Variants in MYCBP2 observed in about 807,000 individuals in gnomAD.
MYCBP2 encodes E3 ubiquitin-protein ligase MYCBP2.
In MYCBP2, 120 loss-of-function variants were observed where a neutral mutation model predicts 525.3. The observed-to-expected ratio is 0.23, with a 90% CI of 0.20 to 0.27. The LOEUF (loss-of-function observed/expected upper bound fraction) is 0.27. MYCBP2 is among the 10% of genes least tolerant of loss of function. MYCBP2 has a pLI of 1.00. For synonymous variants in MYCBP2, 1,894 were observed against 1,955.8 expected (o/e 0.97, Z 0.83); for missense variants, 4,149 against 5,657.1 (o/e 0.73, Z 8.55).
In MYCBP2 at chr13:77,144,295, C is replaced by T. The variant is rs531489627; in HGVS notation, c.7303+150G>A. 3.4e-5 allele frequency: 21 copies of T among 618,026 alleles called. No homozygotes were observed. The East Asian group carries it at 5.7e-4, about 17-fold the overall frequency. 38.3% of individuals were successfully genotyped at this position (618,026 alleles called of 1,614,324 possible). A position where few individuals can be genotyped will look rare whatever the true frequency, so the allele number is the denominator to read the frequency against. Reference sequence around the variant, plus strand: ...AAAATGTTAATGCACTAATTAAATACTCATTATGAAAGAGAAAACAAGGCC... The same window carrying T: ...AAAATGTTAATGCACTAATTAAATATTCATTATGAAAGAGAAAACAAGGCC... On this transcript the variant is annotated intron_variant, in intron 49 of 82. Coordinates refer to ENST00000544440, the MANE Select transcript of MYCBP2 (RefSeq NM_015057.5).
chr13:77,227,354 A>C (rs1440956951), intron 18 of MYCBP2, among the ~76,000 whole-genome samples: 1 of 151,702 alleles, frequency 6.6e-6, no homozygotes, highest in East Asian at 1.9e-4. Context: ...AAAAAAAAAA[A>C]AAAAAAACCA....
At chr13:77,084,500 A>G (rs2043873375) in intron 62 of MYCBP2, among the ~76,000 whole-genome samples, 1 of 152,156 alleles carries the variant, frequency 6.6e-6, no homozygotes, top group African/African-American at 2.4e-5. Context: ...GGGAGATAGC[A>G]GGCCATCTAG....
intron 55 of MYCBP2, chr13:77,118,331 C>T: frequency 1.3e-6 from 1 of 752,598 alleles, no homozygotes; most frequent in Non-Finnish European, 2.4e-6. Flanking sequence ...GTAAGGCTGA[C>T]AGACTTACTC....
chr13:77,091,046 T>C (rs1368765251), intron 59 of MYCBP2, among the ~76,000 whole-genome samples: 1 of 152,156 alleles, frequency 6.6e-6, no homozygotes, highest in Non-Finnish European at 1.5e-5. Flanking sequence ...GAATTCAAAT[T>C]GGAATATTTT....
chr13:77,315,857 T>C (rs2080868901), intron 1 of MYCBP2, among the ~76,000 whole-genome samples: 1 of 140,598 alleles, frequency 7.1e-6, no homozygotes, highest in African/African-American at 2.7e-5. Flanking sequence ...ATTATGCCAC[T>C]GCACTCCAGC....
chr13:77,226,459 T>C (rs1425710802), intron 18 of MYCBP2, among the ~76,000 whole-genome samples: 2 of 152,304 alleles, frequency 1.3e-5, no homozygotes, highest in East Asian at 3.9e-4. Context: ...CTTTATATCA[T>C]CAAGATTCAA....
intron 1 of MYCBP2, among the ~76,000 whole-genome samples, chr13:77,306,642 C>G (rs2079458163): frequency 6.6e-6 from 1 of 152,182 alleles, no homozygotes; most frequent in Non-Finnish European, 1.5e-5. Context: ...TATTTGTACT[C>G]TTAAGTAAAC....
In MYCBP2 at chr13:77,211,163, T is replaced by A; in HGVS notation, c.3416+4A>T. 1 of 1,433,832 alleles carries A rather than the reference T, an allele frequency of 7.0e-7. No homozygotes were observed. The highest frequency in any genetic ancestry group is 1.8e-5 in the South Asian group (1 of 56,720). The allele number at this position is 1,433,832 out of a possible 1,614,324, so 88.8% of individuals were successfully genotyped here. On this transcript the variant is annotated splice_donor_region_variant and intron_variant, in intron 23 of 82. Coordinates refer to ENST00000544440, the MANE Select transcript of MYCBP2 (RefSeq NM_015057.5). ...TTGACTATTTTATAAACTGAGATGC[T>A]TACCTCCAAATTACATCATATACAG...
chr13:77,287,692 G>A (rs758452041), intron 3 of MYCBP2, among the ~76,000 whole-genome samples: 1 of 152,076 alleles, frequency 6.6e-6, no homozygotes, highest in East Asian at 1.9e-4. Flanking sequence ...ACACAGCTGA[G>A]AGGCTTTGTA....
Position 77,051,066 on chromosome 13 carries a change from T to G in MYCBP2, c.13852A>C (p.Asn4618His). Residue 4618 changes from asparagine to histidine, a missense_variant, in exon 82 of 83, where the codon AAT becomes CAT. Coordinates refer to ENST00000544440, the MANE Select transcript of MYCBP2 (RefSeq NM_015057.5). Reference protein sequence around the residue: ...FFCFGTTHFCNACHDDFQRMT... With the variant: ...FFCFGTTHFCHACHDDFQRMT... ...CTTTGAAAATCATCATGACAAGCAT[T>G]ACAAAAATGTGTTGTTCCAAAACAG... 1 of 1,613,572 alleles carries G rather than the reference T, an allele frequency of 6.2e-7. No individual in the cohort carries two copies. The highest frequency in any genetic ancestry group is 8.5e-7 in the Non-Finnish European group (1 of 1,179,800).
intron 48 of MYCBP2, 45 bp from the exon 49 acceptor site, chr13:77,144,605 AGCAG>A (rs1251237557): frequency 9.0e-6 from 11 of 1,224,722 alleles, no homozygotes; most frequent in Non-Finnish European, 1.3e-5. Flanking sequence ...CTTTTGGTTA[AGCAG>A]TCAACATCAT....
Position 77,267,828 on chromosome 13 carries a change from A to T in MYCBP2, c.1357+13T>A. On this transcript the variant is annotated intron_variant, in intron 8 of 82. Transcript: ENST00000544440. ...AATTGCTTGTGGAGAAAAAATGACT[A>T]CTTGAAACATACCTGGTAACATCAC... 6.3e-7 allele frequency: 1 copy of T among 1,596,208 alleles called. No individual in the cohort carries two copies. The highest frequency in any genetic ancestry group is 8.6e-7 in the Non-Finnish European group (1 of 1,164,300).
intron 26 of MYCBP2, among the ~76,000 whole-genome samples, chr13:77,199,934 G>C (rs1000003742): frequency 3.3e-5 from 5 of 152,176 alleles, no homozygotes; most frequent in African/African-American, 1.2e-4. Flanking sequence ...AAACCACAAA[G>C]ATGGGGAAAA....
chr13:77,073,382 T>C (rs1026870799), intron 68 of MYCBP2, among the ~76,000 whole-genome samples: 2 of 152,132 alleles, frequency 1.3e-5, no homozygotes, highest in African/African-American at 4.8e-5. Context: ...GAAGAAAACA[T>C]TCTCCAATCT....
At chr13:77,124,401 C>G (rs1422799496) in intron 54 of MYCBP2, among the ~76,000 whole-genome samples, 1 of 152,096 alleles carries the variant, frequency 6.6e-6, no homozygotes, top group Non-Finnish European at 1.5e-5. Context: ...AATTTATTAT[C>G]TTTTGAATAA....
intron 1 of MYCBP2, among the ~76,000 whole-genome samples, chr13:77,319,833 T>A (rs1286900276): frequency 6.6e-6 from 1 of 152,164 alleles, no homozygotes; most frequent in Non-Finnish European, 1.5e-5. Flanking sequence ...TAATCCAGCT[T>A]CAAAACCTCA....
In MYCBP2 at chr13:77,062,626, C is replaced by T; in HGVS notation, c.12744G>A (p.Trp4248Ter). 6.2e-7 allele frequency: 1 copy of T among 1,614,114 alleles called. No homozygotes were observed. Among genetic ancestry groups the T allele is most frequent in the Non-Finnish European group, 8.5e-7 (1 of 1,179,972 alleles). ...GTTTTTGTTGTCCATCCTTTCCCAT[C>T]CATCTCCCCGAGGAGAGACGATCTA... The part of the protein sequence containing the change: ...DHVDRLSSGR[W>*]MGKDGQQKQM... The change falls in exon 74 of 83, where the codon TGG (tryptophan) becomes TGA (stop). Residue 4248 changes from tryptophan to a stop codon, truncating the protein, a stop_gained. Transcript: ENST00000544440. LOFTEE classifies it high-confidence loss of function.
chr13:77,217,999 C>G lies in MYCBP2; in HGVS notation c.2940-42G>C. 4 of 1,352,566 alleles carry G rather than the reference C, an allele frequency of 3.0e-6. 1 individual carries two copies. The highest frequency in any genetic ancestry group is 2.6e-5 in the South Asian group (2 of 77,472). The allele number at this position is 1,352,566 out of a possible 1,614,324, so 83.8% of individuals were successfully genotyped here. On this transcript the variant is annotated intron_variant, in intron 20 of 82. Coordinates refer to ENST00000544440, the MANE Select transcript of MYCBP2 (RefSeq NM_015057.5). ...AAAAGTAAGTCAATTTCTTACAAAACTCAACTAAAATAAAAACAATAAGTA... is the reference window on the plus strand; with the variant it reads ...AAAAGTAAGTCAATTTCTTACAAAAGTCAACTAAAATAAAAACAATAAGTA...
chr13:77,279,803 C>T (rs1482092168), intron 3 of MYCBP2, among the ~76,000 whole-genome samples: 1 of 152,138 alleles, frequency 6.6e-6, no homozygotes, highest in Non-Finnish European at 1.5e-5. Context: ...AGTTTATAAT[C>T]TAATAGGGTA....
Sources: gnomAD v4.1 joint callset for allele counts (sites outside exome capture counted in the v4.1 genomes callset) on GRCh38, gnomAD v4.1.1 for gene constraint, MANE v1.5 for transcripts, NCBI Gene and HGNC (gene_info 2026-07-23, HGNC 2026-07-21) for gene names.